The following FRMD5 variants were observed in gnomAD, a reference collection of about 807,000 sequenced individuals.
The protein encoded by FRMD5 is FERM domain-containing protein 5.
A neutral mutation model predicts 69.0 loss-of-function variants in FRMD5; 20 were observed. The ratio of observed to expected loss-of-function variants is 0.29; its 90% CI spans 0.20 to 0.42. FRMD5 has a LOEUF of 0.42. FRMD5 is among the 10% of genes least tolerant of loss of function. FRMD5 has a pLI of 1.00. For missense variants in FRMD5, 595 were observed against 708.6 expected (o/e 0.84, Z 1.82); for synonymous variants, 271 against 260.1 (o/e 1.04, Z -0.40).
At chr15:44,190,678 G>C (rs2078177848) in intron 1 of FRMD5, among the ~76,000 whole-genome samples, 1 of 152,136 alleles carries the variant, frequency 6.6e-6, no homozygotes, top group Non-Finnish European at 1.5e-5. Flanking sequence ...GGGTCACACA[G>C]CAAAACGGTT....
intron 1 of FRMD5, among the ~76,000 whole-genome samples, chr15:43,946,937 C>A (rs2089957055): frequency 6.6e-6 from 1 of 152,202 alleles, no homozygotes; most frequent in African/African-American, 2.4e-5. Flanking sequence ...GTCTTTAGAA[C>A]ACCAGGTAAC....
chr15:44,009,935 T>C (rs182070034), intron 1 of FRMD5, among the ~76,000 whole-genome samples: 18 of 152,310 alleles, frequency 1.2e-4, no homozygotes, highest in African/African-American at 4.3e-4. Context: ...GTAAACACTG[T>C]GGATCTCTAC....
At chr15:43,885,978 T>C (rs1273091129) in intron 10 of FRMD5, among the ~76,000 whole-genome samples, 2 of 152,232 alleles carry the variant, frequency 1.3e-5, no homozygotes, top group Non-Finnish European at 2.9e-5. Flanking sequence ...AAACCCATTT[T>C]AGTGTCAGGA....
At chr15:44,103,509 G>A (rs1260875858) in intron 1 of FRMD5, among the ~76,000 whole-genome samples, 2 of 152,130 alleles carry the variant, frequency 1.3e-5, no homozygotes, top group Non-Finnish European at 2.9e-5. Flanking sequence ...AATACAGATA[G>A]ATCAAACAGC....
At chr15:44,058,257 G>A (rs1409256014) in intron 1 of FRMD5, among the ~76,000 whole-genome samples, 2 of 152,142 alleles carry the variant, frequency 1.3e-5, no homozygotes, top group Non-Finnish European at 2.9e-5. Context: ...ACCACACATG[G>A]TAGGTATAAT....
At chr15:44,000,375 A>C (rs1314819971) in intron 1 of FRMD5, among the ~76,000 whole-genome samples, 3 of 152,138 alleles carry the variant, frequency 2.0e-5, no homozygotes, top group South Asian at 2.1e-4. Flanking sequence ...CGCTGCAATG[A>C]ACATGAGAGT....
chr15:43,881,238 T>C (rs760495691), intron 13 of FRMD5, among the ~76,000 whole-genome samples: 8 of 152,124 alleles, frequency 5.3e-5, no homozygotes, highest in Admixed American at 5.2e-4. Flanking sequence ...ATGGACCCTC[T>C]AGCTTCAGCC....
intron 1 of FRMD5, among the ~76,000 whole-genome samples, chr15:43,944,401 C>T (rs556274083): frequency 8.9e-4 from 135 of 152,338 alleles, no homozygotes; most frequent in African/African-American, 3.2e-3. Flanking sequence ...CTTACAAATC[C>T]CATCACCACT....
intron 1 of FRMD5, among the ~76,000 whole-genome samples, chr15:44,064,591 AAAAAC>A (rs767341365): frequency 3.9e-5 from 6 of 152,340 alleles, no homozygotes; most frequent in Admixed American, 2.6e-4. Context: ...TCTGTCTCAA[AAAAAC>A]AAAACAAAAC....
At chr15:44,162,750 C>G (rs979183379) in intron 1 of FRMD5, among the ~76,000 whole-genome samples, 5 of 151,446 alleles carry the variant, frequency 3.3e-5, no homozygotes, top group Non-Finnish European at 2.9e-5. Flanking sequence ...GCCTGTAATA[C>G]CAGCTACTTG....
Position 44,177,798 on chromosome 15 carries a change from C to T in FRMD5, c.102+17155G>A, listed in dbSNP as rs537143455. Among the ~76,000 whole-genome samples, 108 of 152,108 alleles carry T rather than the reference C, an allele frequency of 7.1e-4. 1 individual carries two copies. The highest frequency in any genetic ancestry group is 1.4e-3 in the Non-Finnish European group (94 of 68,024). On this transcript the variant is annotated intron_variant, in intron 1 of 13. Coordinates refer to ENST00000417257, the MANE Select transcript of FRMD5 (RefSeq NM_032892.5). Reference sequence around the variant, plus strand: ...ACATATTGTATGATTCCATTTATAACACTGTGGAAAAGGCAAAACTGTAAG... The same window carrying T: ...ACATATTGTATGATTCCATTTATAATACTGTGGAAAAGGCAAAACTGTAAG...
intron 13 of FRMD5, chr15:43,876,339 G>C (rs770184936): frequency 2.6e-5 from 24 of 911,776 alleles, no homozygotes; most frequent in Non-Finnish European, 4.3e-5. Context: ...TGCAGAGCTG[G>C]GACCACGGTT....
intron 1 of FRMD5, among the ~76,000 whole-genome samples, chr15:44,071,819 C>A (rs1416592947): frequency 2.6e-5 from 4 of 152,062 alleles, no homozygotes; most frequent in African/African-American, 7.2e-5. Flanking sequence ...TTTTTAAAAT[C>A]GTTTAATATT....
chr15:44,074,750 C>G (rs1215507758), intron 1 of FRMD5, among the ~76,000 whole-genome samples: 1 of 152,152 alleles, frequency 6.6e-6, no homozygotes, highest in Non-Finnish European at 1.5e-5. Context: ...GAGGTACCTT[C>G]TAGCTGCTAT....
chr15:44,121,341 C>A (rs1365108813), intron 1 of FRMD5, among the ~76,000 whole-genome samples: 1 of 151,506 alleles, frequency 6.6e-6, no homozygotes, highest in East Asian at 1.9e-4. Flanking sequence ...ATGAAAACAG[C>A]AAGATATCCT....
chr15:43,971,628 TAAAAAAA>T (rs753940718), intron 1 of FRMD5, among the ~76,000 whole-genome samples: 1 of 117,770 alleles, frequency 8.5e-6, no homozygotes, highest in African/African-American at 3.1e-5. Context: ...AGGTTGCATC[TAAAAAAA>T]AAAAAAAAAG....
At chr15:43,880,910 C>T (rs1355773716) in intron 13 of FRMD5, among the ~76,000 whole-genome samples, 2 of 152,232 alleles carry the variant, frequency 1.3e-5, no homozygotes, top group Non-Finnish European at 1.5e-5. Context: ...GAGGAGGAGG[C>T]TGGAGGTAAA....
At chr15:44,143,464 C>T (rs1343894210) in intron 1 of FRMD5, among the ~76,000 whole-genome samples, 1 of 151,916 alleles carries the variant, frequency 6.6e-6, no homozygotes. Context: ...AAAATTTTCA[C>T]TGGCCATGAA....
rs1202071908 is a variant in FRMD5 at position 43,902,187 on chromosome 15, A to G, written c.627T>C (p.Pro209=). Residue 209 remains proline (P), a synonymous_variant, in exon 7 of 14, where the codon CCT becomes CCC. Transcript: ENST00000417257. ...AQTLETYGVD[P]HPCKDVSGNA... ...CAGGGGGTCTTACCTTACATGGGTG[A>G]GGATCCACTCCATATGTTTCCAATG... 1 of 1,613,438 alleles carries G rather than the reference A, an allele frequency of 6.2e-7. No homozygotes were observed.
Sources: allele counts gnomAD v4.1 joint callset (sites outside exome capture counted in the v4.1 genomes callset), GRCh38; gene constraint gnomAD v4.1.1; transcripts MANE v1.5; gene names NCBI Gene and HGNC (gene_info 2026-07-23, HGNC 2026-07-21).